EPB41L3: variants seen among roughly 807,000 people sequenced by gnomAD.
The protein encoded by EPB41L3 is band 4.1-like protein 3.
EPB41L3 carries 57 observed loss-of-function variants against 127.1 expected under a neutral mutation model. The ratio of observed to expected loss-of-function variants is 0.45; its 90% confidence interval spans 0.36 to 0.56. The LOEUF (loss-of-function observed/expected upper bound fraction) is 0.56. Ranked by LOEUF, EPB41L3 falls within the 20% of genes least tolerant of loss-of-function variation. EPB41L3 has a pLI of 0.00. For synonymous variants in EPB41L3, 572 were observed against 549.5 expected (o/e 1.04, Z -0.57); for missense variants, 1,273 against 1,372.2 (o/e 0.93, Z 1.14).
chr18:5,488,513 T>A (rs942109562), intron 2 of EPB41L3, among the ~76,000 whole-genome samples: 1 of 151,748 alleles, frequency 6.6e-6, no homozygotes, highest in Non-Finnish European at 1.5e-5. Context: ...TGTATACCTA[T>A]GTAACAAACC....
chr18:5,548,630 C>T (rs189364370), upstream of EPB41L3, among the ~76,000 whole-genome samples: 1 of 151,986 alleles, frequency 6.6e-6, no homozygotes, highest in East Asian at 1.9e-4. Flanking sequence ...TTTACTTTCT[C>T]CATTTCCAGT....
chr18:5,622,217 T>C (rs2094870894), intron 1 of EPB41L3, among the ~76,000 whole-genome samples: 1 of 152,216 alleles, frequency 6.6e-6, no homozygotes, highest in Admixed American at 6.5e-5. Context: ...ATCCATTAAA[T>C]ATGGACTTTC....
At chr18:5,431,138 A>T (rs1436796087) in intron 8 of EPB41L3, 5 of 152,214 alleles carry the variant, frequency 3.3e-5, no homozygotes, top group Non-Finnish European at 5.9e-5. Flanking sequence ...CAAGATGCAC[A>T]TTAAGTGACA....
intron 3 of EPB41L3, among the ~76,000 whole-genome samples, chr18:5,549,876 A>G (rs1207913080): frequency 6.6e-6 from 1 of 151,898 alleles, no homozygotes; most frequent in Non-Finnish European, 1.5e-5. Flanking sequence ...CCACTCAGAC[A>G]TATACGAGAG....
intron 3 of EPB41L3, among the ~76,000 whole-genome samples, chr18:5,584,763 AAAT>A (rs1365312424): frequency 2.6e-5 from 4 of 152,258 alleles, no homozygotes; most frequent in Non-Finnish European, 5.9e-5. Context: ...AATAACATGA[AAAT>A]AACTTACAAC....
chr18:5,415,534 C>T (rs189398365), intron 13 of EPB41L3, among the ~76,000 whole-genome samples: 59 of 152,286 alleles, frequency 3.9e-4, no homozygotes, highest in Non-Finnish European at 7.2e-4. Context: ...ACACAGCTGA[C>T]GGGTTATATA....
chr18:5,619,399 C>A (rs549611472), intron 1 of EPB41L3, among the ~76,000 whole-genome samples: 1 of 152,048 alleles, frequency 6.6e-6, no homozygotes, highest in East Asian at 1.9e-4. Context: ...CTTAGTCTTA[C>A]TAACATTATA....
chr18:5,516,629 G>A (rs568961406), intron 1 of EPB41L3, among the ~76,000 whole-genome samples: 2 of 152,260 alleles, frequency 1.3e-5, no homozygotes, highest in African/African-American at 4.8e-5. Flanking sequence ...GATATCAGCT[G>A]GTATGAATAC....
chr18:5,564,286 T>C (rs1263681002), intron 3 of EPB41L3, among the ~76,000 whole-genome samples: 1 of 152,180 alleles, frequency 6.6e-6, no homozygotes, highest in East Asian at 1.9e-4. Context: ...CAGGTAAAGA[T>C]AGGGCTTTGT....
intron 3 of EPB41L3, among the ~76,000 whole-genome samples, chr18:5,472,468 A>G (rs1289956484): frequency 1.3e-5 from 2 of 152,208 alleles, no homozygotes; most frequent in Non-Finnish European, 2.9e-5. Flanking sequence ...GCAGAGATCC[A>G]TGGAGGAGGG....
intron 1 of EPB41L3, among the ~76,000 whole-genome samples, chr18:5,490,153 C>T (rs58920109): frequency 0.1 from 15,182 of 152,160 alleles, 1,487 homozygotes; most frequent in African/African-American, 0.24. Context: ...GATTTTTGCT[C>T]TAAGCAGCAA....
intron 3 of EPB41L3, among the ~76,000 whole-genome samples, chr18:5,458,639 A>T (rs1436763882): frequency 1.3e-5 from 2 of 152,224 alleles, no homozygotes; most frequent in Admixed American, 6.5e-5. Flanking sequence ...GCCCTATCTA[A>T]CTATAGAAAA....
intron 1 of EPB41L3, among the ~76,000 whole-genome samples, chr18:5,617,540 G>A (rs539465414): frequency 1.5e-4 from 23 of 152,018 alleles, no homozygotes; most frequent in African/African-American, 5.3e-4. Context: ...GGATGGTCTC[G>A]ATCTCCTGAC....
intron 12 of EPB41L3, among the ~76,000 whole-genome samples, chr18:5,417,969 G>T (rs1369421049): frequency 3.3e-5 from 5 of 152,098 alleles, no homozygotes; most frequent in Admixed American, 2.6e-4. Context: ...GGCAACCTAG[G>T]GGACCAGCCT....
rs76333912 is a variant in EPB41L3, at chr18:5,524,026, G to A, written c.-12+19887C>T. On this transcript the variant is annotated intron_variant, in intron 1 of 22. Transcript: ENST00000341928. ...GTGTATATATGTGTGTGTTAGGGGTGCCCTACAAATAATAATTCATTTAAT... is the reference window on the plus strand; with the variant it reads ...GTGTATATATGTGTGTGTTAGGGGTACCCTACAAATAATAATTCATTTAAT... Among the ~76,000 whole-genome samples, 1,108 of 152,126 alleles carry A rather than the reference G, an allele frequency of 7.3e-3. 7 individuals carry two copies. The highest frequency in any genetic ancestry group is 0.022 in the South Asian group (105 of 4,818).
intron 3 of EPB41L3, among the ~76,000 whole-genome samples, chr18:5,464,117 A>G (rs1375295767): frequency 6.6e-6 from 1 of 152,188 alleles, no homozygotes; most frequent in Non-Finnish European, 1.5e-5. Flanking sequence ...CTGCCCCAAC[A>G]ATGAAAGTGC....
At chr18:5,440,453 A>G (rs938056641) in intron 5 of EPB41L3, among the ~76,000 whole-genome samples, 1 of 152,198 alleles carries the variant, frequency 6.6e-6, no homozygotes. Flanking sequence ...AATATGACAG[A>G]AACAAATCCA....
chr18:5,439,570 C>A (rs959895178), intron 5 of EPB41L3, among the ~76,000 whole-genome samples: 6 of 152,204 alleles, frequency 3.9e-5, no homozygotes, highest in African/African-American at 1.4e-4. Context: ...AGGAACTCTA[C>A]CTGAGGTGCC....
At position 5,406,860 on chromosome 18, in the gene EPB41L3, C is replaced by G; in HGVS notation, c.2266G>C (p.Glu756Gln). 1 of 1,614,210 alleles carries G rather than the reference C, an allele frequency of 6.2e-7. No individual in the cohort carries two copies. Among genetic ancestry groups the G allele is most frequent in the Non-Finnish European group, 8.5e-7 (1 of 1,180,038 alleles). ...STDTAVTNEWEKRLSTSPVRL... is the reference protein window; with the variant it reads ...STDTAVTNEWQKRLSTSPVRL... ...ACGGGGGAGGTGGAAAGCCTCTTCT[C>G]CCATTCATTCGTTACGGCAGTGTCT... Residue 756 changes from glutamate (E) to glutamine (Q), a missense_variant, in exon 16 of 23, where the codon GAG becomes CAG. Coordinates refer to ENST00000341928, the MANE Select transcript of EPB41L3 (RefSeq NM_012307.5).
Sources: gnomAD v4.1 joint callset for allele counts (sites outside exome capture counted in the v4.1 genomes callset) on GRCh38, gnomAD v4.1.1 for gene constraint, MANE v1.5 for transcripts, NCBI Gene and HGNC (gene_info 2026-07-23, HGNC 2026-07-21) for gene names.